Variants in HOMER2 observed in about 807,000 individuals in gnomAD.
The protein encoded by HOMER2 is homer scaffold protein 2.
In HOMER2, 27 loss-of-function variants were observed where a neutral mutation model predicts 47.0. The ratio of observed to expected loss-of-function variants is 0.57; its 90% CI spans 0.42 to 0.79. The LOEUF is 0.79. Ranked by LOEUF, HOMER2 falls within the 30% of genes least tolerant of loss-of-function variation. HOMER2 has a pLI of 0.00. For synonymous variants in HOMER2, 161 were observed against 163.8 expected, an observed-to-expected ratio of 0.98 and a Z score of 0.13; for missense variants, 443 against 435.0, an observed-to-expected ratio of 1.02 and a Z score of -0.16.
chr15:82,851,018 C>A, intron 8 of HOMER2, 133 bp downstream of exon 8: 1 of 687,086 alleles, frequency 1.5e-6, no homozygotes, highest in Non-Finnish European at 2.5e-6. Context: ...GCAGTCACTG[C>A]CAGCTTTTTG....
In HOMER2 at chr15:82,860,949, TA is replaced by T. The variant is rs1227148607; in HGVS notation, c.388-1815del. Among the ~76,000 whole-genome samples the T allele has an allele frequency of 7.4e-3, 519 of 70,248 alleles. 8 individuals carry two copies. Among genetic ancestry groups the T allele is most frequent in the South Asian group, 0.012 (26 of 2,170 alleles). 46.1% of individuals were successfully genotyped at this position (70,248 alleles called of 152,430 possible). A position where few individuals can be genotyped will look rare whatever the true frequency, so the allele number is the denominator to read the frequency against. Reference sequence around the variant, plus strand: ...GAGACTCTGTCTCAAAGATAGAAGATAGAAGATGAGAGAGAGAGAGAGAGAG... The same window carrying T: ...GAGACTCTGTCTCAAAGATAGAAGATGAAGATGAGAGAGAGAGAGAGAGAG... On this transcript the variant is annotated intron_variant, in intron 4 of 8. Transcript: ENST00000450735.
chr15:82,868,570 A>G (rs1475782592), intron 3 of HOMER2, among the ~76,000 whole-genome samples: 1 of 56,822 alleles, frequency 1.8e-5, no homozygotes, highest in Non-Finnish European at 3.4e-5. Context: ...CCCTTTTGAG[A>G]CTGAATCTTA....
chr15:82,931,536 TAAA>T (rs1190584996), intron 1 of HOMER2, among the ~76,000 whole-genome samples: 15 of 121,054 alleles, frequency 1.2e-4, no homozygotes, highest in Admixed American at 3.4e-4. Context: ...ATGCCTGCTT[TAAA>T]AAAAAAAAAA....
chr15:82,981,220 G>C (rs2030385175), intron 1 of HOMER2, among the ~76,000 whole-genome samples: 1 of 152,148 alleles, frequency 6.6e-6, no homozygotes, highest in Non-Finnish European at 1.5e-5. Flanking sequence ...TGTGCCCCTG[G>C]ATAAACTGCA....
Position 82,851,148 on chromosome 15 carries a change from T to A in HOMER2, c.843+3A>T. 2 of 1,575,460 alleles carry A rather than the reference T, an allele frequency of 1.3e-6. No homozygotes were observed. The highest frequency in any genetic ancestry group is 1.7e-6 in the Non-Finnish European group (2 of 1,157,452). ...AGGATGGCTGTGCCCCCAACCCACG[T>A]ACCTCTAGCTTCTCAGAGACATATT... On this transcript the variant is annotated splice_donor_region_variant and intron_variant, in intron 8 of 8. Coordinates refer to ENST00000450735, the MANE Select transcript of HOMER2 (RefSeq NM_004839.4).
intron 3 of HOMER2, among the ~76,000 whole-genome samples, chr15:82,867,222 T>C (rs889716903): frequency 3.3e-5 from 5 of 151,912 alleles, no homozygotes; most frequent in Non-Finnish European, 7.4e-5. Context: ...AAAAAAAAAT[T>C]CTGGATGCAA....
intron 1 of HOMER2, among the ~76,000 whole-genome samples, chr15:82,923,970 C>A (rs1252776636): frequency 6.6e-6 from 1 of 152,154 alleles, no homozygotes; most frequent in African/African-American, 2.4e-5. Context: ...TAAGACAGAG[C>A]TTGGCACCCA....
chr15:82,915,863 A>G (rs1567052144), intron 1 of HOMER2, among the ~76,000 whole-genome samples: 2 of 152,246 alleles, frequency 1.3e-5, no homozygotes, highest in African/African-American at 2.4e-5. Context: ...TAAATGCCCC[A>G]AAGTTGAGGA....
chr15:82,893,479 T>C (rs2052791517), intron 1 of HOMER2, among the ~76,000 whole-genome samples: 1 of 151,702 alleles, frequency 6.6e-6, no homozygotes, highest in South Asian at 2.1e-4. Flanking sequence ...ATTACAGGCG[T>C]GTGCCACTGC....
chr15:82,877,110 T>C (rs1176640071), intron 2 of HOMER2, among the ~76,000 whole-genome samples: 1 of 152,242 alleles, frequency 6.6e-6, no homozygotes, highest in Non-Finnish European at 1.5e-5. Flanking sequence ...AACGAGCCTA[T>C]GCATACGACT....
chr15:82,974,147 G>A (rs2030113501), intron 1 of HOMER2, among the ~76,000 whole-genome samples: 1 of 152,110 alleles, frequency 6.6e-6, no homozygotes, highest in South Asian at 2.1e-4. Flanking sequence ...GCTCACACCT[G>A]TAATCCCAGC....
intron 1 of HOMER2, among the ~76,000 whole-genome samples, chr15:82,974,977 G>A (rs544680505): frequency 6.6e-6 from 1 of 152,288 alleles, no homozygotes; most frequent in East Asian, 1.9e-4. Context: ...GGCTGAGGCA[G>A]GAGAATCACG....
intron 1 of HOMER2, among the ~76,000 whole-genome samples, chr15:82,920,244 C>T (rs979121484): frequency 2.0e-5 from 3 of 152,304 alleles, no homozygotes; most frequent in East Asian, 1.9e-4. Flanking sequence ...TCAAGATGAG[C>T]GGGAGGTCAA....
At chr15:82,937,355 T>C (rs2054164371) in intron 1 of HOMER2, among the ~76,000 whole-genome samples, 2 of 152,200 alleles carry the variant, frequency 1.3e-5, no homozygotes, top group Non-Finnish European at 2.9e-5. Flanking sequence ...TCTCTGACTC[T>C]GGGCTGCTGC....
At chr15:82,893,093 A>T (rs2052772221) in intron 1 of HOMER2, among the ~76,000 whole-genome samples, 1 of 152,168 alleles carries the variant, frequency 6.6e-6, no homozygotes, top group Non-Finnish European at 1.5e-5. Flanking sequence ...CAATTTGCTT[A>T]AAAGGCAACT....
At position 82,896,103 on chromosome 15, in the gene HOMER2, G is replaced by T. The variant is rs1288270894; in HGVS notation, c.6-3262C>A. ...GGGGGCTGGAGGTGGGGCAACAGGG[G>T]GACCAAGAACAGGGTCTCTGGATGC... On this transcript the variant is annotated intron_variant, in intron 1 of 8. Transcript: ENST00000450735. 2.6e-5 allele frequency among the ~76,000 whole-genome samples: 4 copies of T among 152,246 alleles called. No homozygotes were observed. In the East Asian group the frequency reaches 7.7e-4, roughly 29 times the overall value.
chr15:82,871,719 T>G (rs566236109), intron 3 of HOMER2, among the ~76,000 whole-genome samples: 62 of 152,274 alleles, frequency 4.1e-4, no homozygotes, highest in African/African-American at 1.3e-3. Context: ...TCCTTAATGA[T>G]AGGACATTTT....
intron 2 of HOMER2, among the ~76,000 whole-genome samples, chr15:82,875,957 T>C (rs1204496937): frequency 6.6e-6 from 1 of 152,152 alleles, no homozygotes; most frequent in Non-Finnish European, 1.5e-5. Flanking sequence ...GTGAGTGGGG[T>C]ACAGGGAATC....
At chr15:82,853,219 G>A (rs1567012810) in intron 6 of HOMER2, among the ~76,000 whole-genome samples, 2 of 152,212 alleles carry the variant, frequency 1.3e-5, no homozygotes, top group South Asian at 2.1e-4. Context: ...AGGTCGACAC[G>A]CCTCCAAGGG....
Sources: gnomAD v4.1 joint callset for allele counts (sites outside exome capture counted in the v4.1 genomes callset) on GRCh38, gnomAD v4.1.1 for gene constraint, MANE v1.5 for transcripts, NCBI Gene and HGNC (gene_info 2026-07-23, HGNC 2026-07-21) for gene names.